The following MYL5 variants were observed in gnomAD, a reference collection of about 807,000 sequenced individuals.
MYL5 encodes myosin regulatory light chain 5.
MYL5 carries 28 observed loss-of-function variants against 20.8 expected under a neutral mutation model. That is an observed-to-expected ratio of 1.35 (90% CI 1.00 to 1.84). MYL5 has a LOEUF of 1.84. Among genes scored for constraint, MYL5 ranks in the 40% most tolerant of loss-of-function variants. MYL5 has a pLI of 0.00. For synonymous variants in MYL5, 118 were observed against 87.4 expected (o/e 1.35, Z -1.95); for missense variants, 274 against 227.3 (o/e 1.21, Z -1.32).
chr4:678,505 C>A, intron 1 of MYL5, 153 bp from the exon 4 acceptor site: 1 of 1,444,384 alleles, frequency 6.9e-7, no homozygotes, highest in Non-Finnish European at 9.1e-7. Context: ...CTACCCAGGC[C>A]TGAGGCTGGC....
At chr4:681,674 AGCGCCGCCCCGCCCCCTCCAGCGCC>A (rs1560157823) in intron 6 of MYL5, 194 bp from the exon 9 acceptor site, 8 of 3,388 alleles carry the variant, frequency 2.4e-3, no homozygotes, top group Non-Finnish European at 3.8e-3. Context: ...CGCCCCCTCC[AGCGCCGCCCCGCCCCCTCCAGCGCC>A]GCCCCGCCCC....
upstream of MYL5, chr4:677,786 C>A: frequency 4.8e-6 from 3 of 630,430 alleles, no homozygotes; most frequent in Non-Finnish European, 2.9e-6. Flanking sequence ...GGGAGGTAGT[C>A]CTGGCCAGAG....
chr4:680,702 C>A, intron 5 of MYL5, 115 bp downstream of exon 7: 1 of 1,096,750 alleles, frequency 9.1e-7, no homozygotes, highest in Non-Finnish European at 1.3e-6. Context: ...CACCTCTGAC[C>A]AGCTTCAGGG....
chr4:678,114 G>A, intron 1 of MYL5, 85 bp downstream of exon 3: 1 of 1,584,036 alleles, frequency 6.3e-7, no homozygotes, highest in Non-Finnish European at 8.6e-7. Context: ...GACGAGCGTG[G>A]GCGTGTCCGT....
At chr4:680,369 T>C (rs1577335973) in intron 4 of MYL5, 140 bp from the exon 7 acceptor site, 1 of 923,386 alleles carries the variant, frequency 1.1e-6, no homozygotes, top group Non-Finnish European at 1.7e-6. Flanking sequence ...GGAGAAGGCC[T>C]TCAGGCAGAG....
chr4:674,605 G>A (rs934268154), upstream of MYL5: 1 of 366,250 alleles, frequency 2.7e-6, no homozygotes, highest in Non-Finnish European at 5.0e-6. Context: ...CGCCGTCCGC[G>A]TCCTGGCCGT....
intron 2 of MYL5, 50 bp downstream of exon 4, chr4:678,815 T>G (rs1560153086): frequency 1.2e-6 from 2 of 1,608,714 alleles, no homozygotes; most frequent in Non-Finnish European, 1.7e-6. Context: ...GAGCCTGTGC[T>G]GGGAAGACCC....
intron 1 of MYL5, chr4:678,319 C>T: frequency 1.4e-6 from 2 of 1,424,132 alleles, no homozygotes; most frequent in Non-Finnish European, 9.2e-7. Flanking sequence ...ATCCCGGTAC[C>T]CAGAACAAGC....
At chr4:681,604 C>T (rs1739563904) in intron 6 of MYL5, among the ~76,000 whole-genome samples, 1 of 131,146 alleles carries the variant, frequency 7.6e-6, no homozygotes, top group South Asian at 2.7e-4. Context: ...GCCGCCGCCC[C>T]GCCCCCTCCA....
Position 680,490 on chromosome 4 carries a change from G to A in MYL5, c.293-19G>A. 6.2e-7 allele frequency: 1 copy of A among 1,613,306 alleles called. No individual in the cohort carries two copies. The highest frequency in any genetic ancestry group is 8.5e-7 in the Non-Finnish European group (1 of 1,179,760). On this transcript the variant is annotated intron_variant, in intron 4 of 6. Coordinates refer to ENST00000400159, the Ensembl canonical transcript of MYL5. ...ACTGCCACCCTGACGGCCCTGGGCT[G>A]AAGGTGCCTTTGTGGCAGGTACCGA...
At chr4:675,429 G>C (rs1738764056), upstream of MYL5, 1 of 152,496 alleles carries the variant, frequency 6.6e-6, no homozygotes, top group Non-Finnish European at 1.5e-5. Flanking sequence ...AGCAACTGGA[G>C]AACTATGGCT....
chr4:678,688 G>T (rs375637730), exon 2 of MYL5: 5 of 1,611,142 alleles, frequency 3.1e-6, no homozygotes, highest in Non-Finnish European at 3.4e-6. Flanking sequence ...GAAGGAAGGG[G>T]GTGCCCTCCG....
chr4:680,484 T>A (rs548351810), intron 4 of MYL5, 25 bp from the exon 7 acceptor site: 2 of 1,612,910 alleles, frequency 1.2e-6, no homozygotes, highest in African/African-American at 2.7e-5. Context: ...CTGACGGCCC[T>A]GGGCTGAAGG....
chr4:681,224 C>A, intron 6 of MYL5, 84 bp downstream of exon 8: 1 of 1,493,724 alleles, frequency 6.7e-7, no homozygotes, highest in Non-Finnish European at 9.1e-7. Flanking sequence ...ACGCGGAGCC[C>A]GAGGAGCAGC....
At chr4:681,278 C>T in intron 6 of MYL5, 138 bp downstream of exon 8, 2 of 987,420 alleles carry the variant, frequency 2.0e-6, no homozygotes, top group South Asian at 1.5e-5. Flanking sequence ...CGGGGGGCTC[C>T]CGAAGTGCCC....
chr4:678,571 T>C, intron 1 of MYL5, 87 bp from the exon 4 acceptor site: 4 of 1,519,796 alleles, frequency 2.6e-6, no homozygotes, highest in Non-Finnish European at 3.5e-6. Flanking sequence ...CCACCCTTCA[T>C]CTGAGTTAAG....
rs954041375 is a variant in MYL5, at chr4:678,350, C to T, written c.4-308C>T. 36 of 1,414,456 alleles carry T rather than the reference C, an allele frequency of 2.5e-5. No individual in the cohort carries two copies. The South Asian group carries it at 3.9e-4, about 15-fold the overall frequency. 87.6% of individuals were successfully genotyped at this position (1,414,456 alleles called of 1,614,324 possible). On this transcript the variant is annotated intron_variant, in intron 1 of 6. Coordinates refer to ENST00000400159, the Ensembl canonical transcript of MYL5. ...CAAGCCCACCCAGAGTCCACTTGCCCCTCAAGCCTTCAGAGGCCAAGCTGG... is the reference window on the plus strand; with the variant it reads ...CAAGCCCACCCAGAGTCCACTTGCCTCTCAAGCCTTCAGAGGCCAAGCTGG...
rs913231569 is a variant in MYL5 at position 680,993 on chromosome 4, G to A, written c.372-99G>A. 3 of 1,336,682 alleles carry A rather than the reference G, an allele frequency of 2.2e-6. No homozygotes were observed. The East Asian group carries it at 7.5e-5, about 34-fold the overall frequency. 82.8% of individuals were successfully genotyped at this position (1,336,682 alleles called of 1,614,324 possible). On this transcript the variant is annotated intron_variant, in intron 5 of 6. Coordinates refer to ENST00000400159, the Ensembl canonical transcript of MYL5. The stretch of plus-strand genomic sequence containing the variant: ...CCAGCGGGAAGGGCGGGAGTGCAGT[G>A]AGCGAGTACAACCTGGGGCCCCTGG...
At chr4:677,145 C>A (rs1486680389), upstream of MYL5, among the ~76,000 whole-genome samples, 1 of 152,202 alleles carries the variant, frequency 6.6e-6, no homozygotes, top group African/African-American at 2.4e-5. Flanking sequence ...CTACTGCGTC[C>A]CACGCAGACG....
Sources: gnomAD v4.1 joint callset for allele counts (sites outside exome capture counted in the v4.1 genomes callset) on GRCh38, gnomAD v4.1.1 for gene constraint, MANE v1.5 for transcripts, NCBI Gene and HGNC (gene_info 2026-07-23, HGNC 2026-07-21) for gene names.